UNC13C: variants seen among roughly 807,000 people sequenced by gnomAD.
UNC13C encodes the protein unc-13 homolog C, also known as protein unc-13 homolog C.
UNC13C carries 174 observed loss-of-function variants against 245.4 expected under a neutral mutation model. That is an observed-to-expected ratio of 0.71 (90% confidence interval 0.63 to 0.80). The LOEUF (loss-of-function observed/expected upper bound fraction) is 0.80, where lower values mean the gene tolerates loss of function less well. UNC13C is among the 30% of genes least tolerant of loss of function. UNC13C has a pLI of 0.00. For missense variants in UNC13C, 2,829 were observed against 2,602.9 expected, an observed-to-expected ratio of 1.09 and a Z score of -1.89; for synonymous variants, 992 against 895.1, an observed-to-expected ratio of 1.11 and a Z score of -1.93.
At chr15:54,234,729 C>G (rs2035643638) in intron 4 of UNC13C, among the ~76,000 whole-genome samples, 2 of 152,132 alleles carry the variant, frequency 1.3e-5, no homozygotes, top group South Asian at 4.1e-4. Context: ...TTCCACAGAT[C>G]TTACATTTTG....
At chr15:54,106,531 CA>C (rs1181943066) in intron 2 of UNC13C, among the ~76,000 whole-genome samples, 1 of 152,198 alleles carries the variant, frequency 6.6e-6, no homozygotes, top group Non-Finnish European at 1.5e-5. Context: ...TCATTTCATA[CA>C]CATCCTTGTT....
intron 2 of UNC13C, among the ~76,000 whole-genome samples, chr15:54,045,449 T>C (rs1030934434): frequency 1.3e-5 from 2 of 152,218 alleles, no homozygotes; most frequent in Non-Finnish European, 2.9e-5. Flanking sequence ...CTCTCTTCAG[T>C]ATAAATTTTA....
chr15:54,588,946 C>G (rs974098776), intron 30 of UNC13C, among the ~76,000 whole-genome samples: 1 of 152,194 alleles, frequency 6.6e-6, no homozygotes, highest in African/African-American at 2.4e-5. Flanking sequence ...TATAAACATG[C>G]ATGTGCAAGT....
intron 2 of UNC13C, among the ~76,000 whole-genome samples, chr15:54,089,194 G>A (rs1352132551): frequency 6.6e-6 from 1 of 152,194 alleles, no homozygotes; most frequent in Non-Finnish European, 1.5e-5. Context: ...GTGTAACATG[G>A]AGTTAATGGT....
At chr15:54,452,663 C>A (rs543973306) in intron 19 of UNC13C, among the ~76,000 whole-genome samples, 1 of 152,076 alleles carries the variant, frequency 6.6e-6, no homozygotes, top group Admixed American at 6.5e-5. Context: ...TGTGGTCAGA[C>A]GGAGTGATCC....
chr15:54,109,823 C>G (rs1246982991), intron 2 of UNC13C, among the ~76,000 whole-genome samples: 1 of 152,044 alleles, frequency 6.6e-6, no homozygotes, highest in Non-Finnish European at 1.5e-5. Flanking sequence ...GGATATCTCC[C>G]TCCTCCCAAC....
At chr15:53,884,050 C>T in the UNC13C span, among the ~76,000 whole-genome samples, 3 of 152,078 alleles carry the variant, frequency 2.0e-5, no homozygotes, top group Admixed American at 1.3e-4. Flanking sequence ...ATGCCGGTAC[C>T]GTGCATGGCT....
intron 2 of UNC13C, among the ~76,000 whole-genome samples, chr15:54,074,810 G>C (rs1898508122): frequency 6.6e-6 from 1 of 152,126 alleles, no homozygotes. Context: ...ATTCAATCAT[G>C]TCATCTGCAA....
rs147514378 is a variant in UNC13C at position 54,035,356 on chromosome 15, A to ATT, written c.2983+19478_2983+19479dup. Among the ~76,000 whole-genome samples the ATT allele has an allele frequency of 6.6e-5, 10 of 151,256 alleles. No individual in the cohort carries two copies. The South Asian group carries it at 1.9e-3, about 28-fold the overall frequency. ...TCCCTTTATATCTTCCTATGTTTTT[A>ATT]TTTTTTTTTGTTCTTTCTAAACATC... On this transcript the variant is annotated intron_variant, in intron 2 of 32. Transcript: ENST00000260323.
At chr15:53,865,601 C>T in the UNC13C span, among the ~76,000 whole-genome samples, 1 of 152,048 alleles carries the variant, frequency 6.6e-6, no homozygotes, top group Non-Finnish European at 1.5e-5. Flanking sequence ...GTTAGGATCT[C>T]AACATATGAA....
At chr15:54,364,067 C>T (rs1185971243) in intron 17 of UNC13C, among the ~76,000 whole-genome samples, 3 of 152,162 alleles carry the variant, frequency 2.0e-5, no homozygotes, top group African/African-American at 7.2e-5. Flanking sequence ...TGATTGGAAA[C>T]TCCAGCTTGA....
intron 22 of UNC13C, among the ~76,000 whole-genome samples, chr15:54,501,989 C>T (rs76329328): frequency 0.034 from 5,196 of 152,208 alleles, 168 homozygotes; most frequent in Admixed American, 0.11. Flanking sequence ...TGCTGGTCAA[C>T]TTAGGAAACG....
At chr15:53,963,776 T>G in the UNC13C span, among the ~76,000 whole-genome samples, 1 of 152,018 alleles carries the variant, frequency 6.6e-6, no homozygotes, top group East Asian at 1.9e-4. Context: ...CCTACAAGAG[T>G]GAGGAACCAA....
chr15:54,107,214 AAATTTTT>A (rs984793161), intron 2 of UNC13C, among the ~76,000 whole-genome samples: 3 of 152,180 alleles, frequency 2.0e-5, no homozygotes, highest in African/African-American at 4.8e-5. Flanking sequence ...GCCTTTGTCT[AAATTTTT>A]AATTTTTAAT....
intron 2 of UNC13C, among the ~76,000 whole-genome samples, chr15:54,061,540 C>T (rs1041423021): frequency 2.0e-5 from 3 of 152,054 alleles, no homozygotes; most frequent in Non-Finnish European, 2.9e-5. Flanking sequence ...AGTATACAGC[C>T]CCTATGTCCA....
chr15:53,855,975 A>G, the UNC13C span, among the ~76,000 whole-genome samples: 1 of 152,096 alleles, frequency 6.6e-6, no homozygotes, highest in Non-Finnish European at 1.5e-5. Flanking sequence ...AGAACTTGTT[A>G]TTGGTCCATT....
chr15:53,996,386 C>T (rs1894634803), intron 1 of UNC13C, among the ~76,000 whole-genome samples: 1 of 152,084 alleles, frequency 6.6e-6, no homozygotes, highest in Non-Finnish European at 1.5e-5. Context: ...TCAGAAGAAC[C>T]TTTTATTTCT....
At chr15:53,956,304 C>T in the UNC13C span, among the ~76,000 whole-genome samples, 27 of 152,190 alleles carry the variant, frequency 1.8e-4, no homozygotes, top group East Asian at 4.8e-3. Flanking sequence ...CAAAGCTACA[C>T]GTGTACCACC....
intron 19 of UNC13C, among the ~76,000 whole-genome samples, chr15:54,426,251 G>A (rs1215666214): frequency 2.0e-5 from 3 of 150,580 alleles, no homozygotes; most frequent in African/African-American, 7.3e-5. Flanking sequence ...CTTACAGGCT[G>A]AAATGAAAGT....
Sources: gnomAD v4.1 joint callset for allele counts (sites outside exome capture counted in the v4.1 genomes callset) on GRCh38, gnomAD v4.1.1 for gene constraint, MANE v1.5 for transcripts, NCBI Gene and HGNC (gene_info 2026-07-23, HGNC 2026-07-21) for gene names.